SLC38A6: variants seen among roughly 807,000 people sequenced by gnomAD.
SLC38A6 encodes the protein solute carrier family 38 member 6.
Under a neutral mutation model 65.0 loss-of-function variants are expected in SLC38A6, and 73 were observed. That is an observed-to-expected ratio of 1.12 (90% CI 0.93 to 1.37). The LOEUF (loss-of-function observed/expected upper bound fraction) is 1.37. Among genes scored for constraint, SLC38A6 ranks in the 40% most tolerant of loss-of-function variants. The probability of loss-of-function intolerance (pLI) is 0.00; values close to 1 mark genes in which losing one functional copy is unlikely to be tolerated. For synonymous variants in SLC38A6, 183 were observed against 178.8 expected (o/e 1.02, Z -0.19); for missense variants, 561 against 531.1 (o/e 1.06, Z -0.55).
chr14:61,007,841 T>A (rs931401736), intron 3 of SLC38A6, among the ~76,000 whole-genome samples: 3 of 152,154 alleles, frequency 2.0e-5, no homozygotes, highest in Admixed American at 6.6e-5. Context: ...CTTTGGGATG[T>A]TAAATATAAG....
At chr14:60,981,778 T>C (rs779105636) in intron 1 of SLC38A6, 43 of 1,223,650 alleles carry the variant, frequency 3.5e-5, no homozygotes, top group Non-Finnish European at 4.5e-5. Flanking sequence ...GACTTAGTCA[T>C]GGGGGGAGGG....
At chr14:61,063,796 G>A (rs145786277) in intron 15 of SLC38A6, among the ~76,000 whole-genome samples, 1,603 of 152,246 alleles carry the variant, frequency 0.011, 9 homozygotes, top group Admixed American at 0.02. Context: ...CTCAGTGTAA[G>A]GCACACTACG....
At chr14:61,008,591 A>G (rs777989014) in intron 3 of SLC38A6, among the ~76,000 whole-genome samples, 1 of 152,184 alleles carries the variant, frequency 6.6e-6, no homozygotes, top group South Asian at 2.1e-4. Context: ...GATTATACAA[A>G]TAGTAGCATC....
chr14:61,064,840 G>A lies in SLC38A6; in HGVS notation c.1290+12705G>A, dbSNP rs574763076. ...AGACTTGTTTGCTAAATTAAAAGAC[G>A]AAGTGCCAAGACTATAAATTACTTT... On this transcript the variant is annotated intron_variant, in intron 15 of 16. Transcript: ENST00000354886. 8.5e-5 allele frequency among the ~76,000 whole-genome samples: 13 copies of A among 152,078 alleles called. 1 individual carries two copies. In the South Asian group the frequency reaches 1.9e-3, roughly 22 times the overall value.
intron 15 of SLC38A6, among the ~76,000 whole-genome samples, chr14:61,063,648 T>C (rs967789339): frequency 6.6e-6 from 1 of 152,172 alleles, no homozygotes; most frequent in Non-Finnish European, 1.5e-5. Flanking sequence ...GCACCTTTGC[T>C]TCTCACTTAG....
chr14:60,994,351 A>G (rs4635256), intron 3 of SLC38A6, among the ~76,000 whole-genome samples: 129,505 of 151,998 alleles, frequency 0.85, 56,528 homozygotes, highest in Non-Finnish European at 0.96. Context: ...ATCGAGACCA[A>G]CCTGACCAAC....
At chr14:61,019,798 G>A (rs111857784) in intron 5 of SLC38A6, among the ~76,000 whole-genome samples, 6 of 152,032 alleles carry the variant, frequency 3.9e-5, no homozygotes, top group African/African-American at 1.2e-4. Context: ...CCTGATTGCA[G>A]TCGTGTTATT....
intron 8 of SLC38A6, among the ~76,000 whole-genome samples, chr14:61,039,524 A>ATTTTTTTTTT (rs5809078): frequency 3.8e-5 from 5 of 130,618 alleles, no homozygotes; most frequent in Non-Finnish European, 3.2e-5. Flanking sequence ...GTGCATGCTA[A>ATTTTTTTTTT]TTTTTTTTTT....
chr14:61,014,136 A>G (rs1159007678), intron 3 of SLC38A6, among the ~76,000 whole-genome samples: 1 of 151,928 alleles, frequency 6.6e-6, no homozygotes, highest in African/African-American at 2.4e-5. Flanking sequence ...CATTCATTTG[A>G]TCTTTCATCA....
At chr14:61,069,929 T>C (rs1357086149) in intron 15 of SLC38A6, among the ~76,000 whole-genome samples, 1 of 152,054 alleles carries the variant, frequency 6.6e-6, no homozygotes, top group Non-Finnish European at 1.5e-5. Context: ...AGAGAGAGAA[T>C]ACACAAACAC....
At chr14:61,064,240 A>G (rs910150733) in intron 15 of SLC38A6, among the ~76,000 whole-genome samples, 8 of 152,214 alleles carry the variant, frequency 5.3e-5, no homozygotes, top group African/African-American at 1.9e-4. Flanking sequence ...GAGCCAGTCA[A>G]TCCGATATCC....
At chr14:60,993,097 C>T (rs1404227206) in intron 3 of SLC38A6, among the ~76,000 whole-genome samples, 1 of 152,166 alleles carries the variant, frequency 6.6e-6, no homozygotes, top group African/African-American at 2.4e-5. Flanking sequence ...ATCTGCCCAC[C>T]TCGGCCTCCC....
At chr14:61,045,133 A>G (rs1265552110) in intron 10 of SLC38A6, among the ~76,000 whole-genome samples, 2 of 152,206 alleles carry the variant, frequency 1.3e-5, no homozygotes, top group Non-Finnish European at 2.9e-5. Flanking sequence ...TATTCTGGCT[A>G]GTACAGGCAA....
At chr14:61,014,641 G>A (rs565272655) in intron 3 of SLC38A6, among the ~76,000 whole-genome samples, 1 of 152,302 alleles carries the variant, frequency 6.6e-6, no homozygotes, top group East Asian at 1.9e-4. Flanking sequence ...GAGTTTACTG[G>A]AAGTCCACTC....
intron 3 of SLC38A6, among the ~76,000 whole-genome samples, chr14:61,011,263 G>A (rs1458028941): frequency 1.3e-5 from 2 of 152,162 alleles, no homozygotes; most frequent in Non-Finnish European, 2.9e-5. Flanking sequence ...TTGCCTATCA[G>A]CTTAAGGAGA....
Position 61,052,476 on chromosome 14 carries a change from C to G in SLC38A6, c.*47C>G, listed in dbSNP as rs778724105. ...TACAAGAATAATATACCCCTAGTTG[C>G]AAGAATGAATTATTCCGGAAGACAC... is the stretch of plus-strand genomic sequence containing the variant. On this transcript the variant is annotated 3_prime_UTR_variant, in exon 16 of 16. Coordinates refer to ENST00000267488, the MANE Select transcript of SLC38A6 (RefSeq NM_153811.3). The G allele has an allele frequency of 3.4e-5, 51 of 1,518,582 alleles. No homozygotes were observed. Among genetic ancestry groups the G allele is most frequent in the Non-Finnish European group, 4.3e-5 (49 of 1,140,388 alleles). The allele number at this position is 1,518,582 out of a possible 1,614,324, so 94.1% of individuals were successfully genotyped here.
intron 10 of SLC38A6, among the ~76,000 whole-genome samples, chr14:61,045,044 A>G (rs1481038185): frequency 6.6e-6 from 1 of 152,120 alleles, no homozygotes; most frequent in African/African-American, 2.4e-5. Context: ...ATCTTATGTA[A>G]TTTTTAAAAT....
intron 6 of SLC38A6, among the ~76,000 whole-genome samples, chr14:61,035,268 A>G (rs1470122557): frequency 6.6e-6 from 1 of 152,186 alleles, no homozygotes; most frequent in Non-Finnish European, 1.5e-5. Context: ...AATCATGCAT[A>G]ACATCTCTAA....
chr14:60,993,844 A>G (rs2038082026), intron 3 of SLC38A6, among the ~76,000 whole-genome samples: 1 of 152,228 alleles, frequency 6.6e-6, no homozygotes, highest in Non-Finnish European at 1.5e-5. Flanking sequence ...AAAGATATAT[A>G]CTAAAACAGC....
Sources: gnomAD v4.1 joint callset for allele counts (sites outside exome capture counted in the v4.1 genomes callset) on GRCh38, gnomAD v4.1.1 for gene constraint, MANE v1.5 for transcripts, NCBI Gene and HGNC (gene_info 2026-07-23, HGNC 2026-07-21) for gene names.